The following PYGL variants were observed in gnomAD, a reference collection of about 807,000 sequenced individuals.
The protein encoded by PYGL is glycogen phosphorylase, liver form.
In PYGL, 90 loss-of-function variants were observed where a neutral mutation model predicts 100.1. The ratio of observed to expected loss-of-function variants is 0.90; its 90% CI spans 0.76 to 1.07. The LOEUF (loss-of-function observed/expected upper bound fraction) is 1.07. Ranked by LOEUF, PYGL falls within the 50% of genes least tolerant of loss-of-function variation. PYGL has a pLI of 0.00. For synonymous variants in PYGL, 373 were observed against 393.0 expected (o/e 0.95, Z 0.60); for missense variants, 1,016 against 1,057.6 (o/e 0.96, Z 0.55).
chr14:50,918,585 G>A (rs557192968), intron 7 of PYGL, among the ~76,000 whole-genome samples: 2 of 152,290 alleles, frequency 1.3e-5, no homozygotes, highest in East Asian at 1.9e-4. Flanking sequence ...ATGGAAAACC[G>A]AATATCGTGT....
intron 3 of PYGL, among the ~76,000 whole-genome samples, chr14:50,933,675 G>C (rs921120357): frequency 3.3e-5 from 5 of 152,072 alleles, no homozygotes; most frequent in African/African-American, 1.2e-4. Flanking sequence ...CCTCCCTACA[G>C]GGGGTCGTAG....
At chr14:50,927,642 G>A (rs1024496575) in intron 4 of PYGL, among the ~76,000 whole-genome samples, 5 of 152,188 alleles carry the variant, frequency 3.3e-5, no homozygotes, top group African/African-American at 7.2e-5. Context: ...CTAACAACTC[G>A]TAGGAGAGTT....
Position 50,914,734 on chromosome 14 carries a change from G to A in PYGL, c.1485C>T (p.Leu495=). 2 of 1,614,030 alleles carry A rather than the reference G, an allele frequency of 1.2e-6. No individual in the cohort carries two copies. The highest frequency in any genetic ancestry group is 1.7e-6 in the Non-Finnish European group (2 of 1,179,932). ...NGITPRRWLL[L]CNPGLAELIA... ...TGAGCTCTGCAAGTCCTGGGTTGCA[G>A]AGTAGGAGCCAGCGCCTTGGAGTGA... Residue 495 remains leucine (L), a synonymous_variant, in exon 12 of 20, where the codon CTC becomes CTT. Coordinates refer to ENST00000216392, the MANE Select transcript of PYGL (RefSeq NM_002863.5).
At chr14:50,927,732 G>A (rs1288514654) in intron 4 of PYGL, among the ~76,000 whole-genome samples, 1 of 152,094 alleles carries the variant, frequency 6.6e-6, no homozygotes, top group Non-Finnish European at 1.5e-5. Flanking sequence ...ATTTTATAAG[G>A]CTTGTTTTTA....
At chr14:50,914,945 C>G in intron 11 of PYGL, 130 bp from the exon 12 acceptor site, 1 of 737,608 alleles carries the variant, frequency 1.4e-6, no homozygotes, top group South Asian at 1.5e-5. Flanking sequence ...GGTGGAGGGA[C>G]AGGCTGACAG....
chr14:50,937,454 C>T (rs576213860), intron 2 of PYGL, among the ~76,000 whole-genome samples: 71 of 152,322 alleles, frequency 4.7e-4, no homozygotes, highest in Admixed American at 1.0e-3. Context: ...CTTGTTCAGA[C>T]ACTAATTTCT....
chr14:50,934,681 GTGTT>G (rs1163908609), intron 3 of PYGL, among the ~76,000 whole-genome samples: 1 of 151,946 alleles, frequency 6.6e-6, no homozygotes, highest in East Asian at 1.9e-4. Flanking sequence ...ATGTGTGTGT[GTGTT>G]TGTGTGTACA....
chr14:50,915,178 CT>C (rs71121612), intron 11 of PYGL, 157 bp downstream of exon 11: 61,338 of 706,338 alleles, frequency 0.087, no homozygotes, highest in Middle Eastern at 0.12. Flanking sequence ...CTTTTCTTTT[CT>C]TTTTTTTTTT....
At chr14:50,908,229 T>A in intron 19 of PYGL, 42 bp downstream of exon 19, 1 of 1,479,356 alleles carries the variant, frequency 6.8e-7, no homozygotes, top group Non-Finnish European at 9.5e-7. Context: ...TAATGAATCA[T>A]AGTAAACTGG....
chr14:50,908,107 T>C lies in PYGL; in HGVS notation c.2379+164A>G. 3.5e-6 allele frequency: 2 copies of C among 568,650 alleles called. 1 individual carries two copies. Among genetic ancestry groups the C allele is most frequent in the Non-Finnish European group, 6.1e-6 (2 of 327,684 alleles). The allele number at this position is 568,650 out of a possible 1,614,324, so 35.2% of individuals were successfully genotyped here. On this transcript the variant is annotated intron_variant, in intron 19 of 19. Transcript: ENST00000216392. ...GAACTTGGGAAAAGACAAGGTTTTT[T>C]TTTTTGTTGTGGTTGTTTGTTTGTT...
intron 10 of PYGL, 147 bp downstream of exon 10, chr14:50,915,678 C>T: frequency 7.1e-7 from 1 of 1,402,268 alleles, no homozygotes; most frequent in Non-Finnish European, 9.8e-7. Context: ...TTTCAAAAAG[C>T]TGCCTTTGTT....
At chr14:50,928,986 T>C (rs2050579676) in intron 4 of PYGL, among the ~76,000 whole-genome samples, 1 of 152,220 alleles carries the variant, frequency 6.6e-6, no homozygotes, top group South Asian at 2.1e-4. Flanking sequence ...CAAGTCATAA[T>C]GAAAGAAGTG....
chr14:50,906,112 G>A (rs1216028251), intron 19 of PYGL, among the ~76,000 whole-genome samples: 3 of 152,154 alleles, frequency 2.0e-5, no homozygotes. Context: ...CTCCACTGGG[G>A]CTTCAAAACA....
chr14:50,944,211 CCAGGTGGTCGCGCACCGTGTGCGCCAG>C lies in PYGL; in HGVS notation c.166_192del (p.Leu56_Leu64del). 1 of 1,612,272 alleles carries C rather than the reference CCAGGTGGTCGCGCACCGTGTGCGCCAG, an allele frequency of 6.2e-7. No individual in the cohort carries two copies. The highest frequency in any genetic ancestry group is 8.5e-7 in the Non-Finnish European group (1 of 1,179,822). On this transcript the variant is annotated inframe_deletion, in exon 1 of 20. Transcript: ENST00000216392. ...TGCTGCGTGCGGATCCAGCGCCCCA[CCAGGTGGTCGCGCACCGTGTGCGCCAG>C]CGCGAAGTAGTAGTCGCGGGTGGTG... is the stretch of plus-strand genomic sequence containing the variant.
intron 2 of PYGL, 71 bp from the exon 3 acceptor site, chr14:50,935,256 T>C (rs1314428491): frequency 2.4e-6 from 3 of 1,229,888 alleles, no homozygotes; most frequent in Non-Finnish European, 3.6e-6. Flanking sequence ...AGCCATTTCC[T>C]ACAGCTCTGG....
At chr14:50,938,980 T>C (rs992125615) in intron 1 of PYGL, among the ~76,000 whole-genome samples, 2 of 152,148 alleles carry the variant, frequency 1.3e-5, no homozygotes, top group African/African-American at 4.8e-5. Flanking sequence ...GTAGAAAATA[T>C]TCCTCCTTGG....
intron 8 of PYGL, 94 bp downstream of exon 8, chr14:50,916,868 C>T (rs541143688): frequency 3.9e-5 from 60 of 1,557,948 alleles, no homozygotes; most frequent in Admixed American, 3.2e-4. Context: ...TCCTGCTCAA[C>T]GTTGTTAGCA....
rs117827578 is a variant in PYGL at position 50,909,624 on chromosome 14, C to T, written c.2177+271G>A. Among the ~76,000 whole-genome samples, 998 of 152,276 alleles carry T rather than the reference C, an allele frequency of 6.6e-3. 24 individuals carry two copies. Among genetic ancestry groups the T allele is most frequent in the East Asian group, 0.046 (240 of 5,180 alleles). On this transcript the variant is annotated intron_variant, in intron 17 of 19. Coordinates refer to ENST00000216392, the MANE Select transcript of PYGL (RefSeq NM_002863.5). ...TTGATCAAAGTAAAAATCATACATA[C>T]GGAGGAAAAATAGCTCTTTGAGGCC...
rs892308215 is a variant in PYGL, at chr14:50,913,230, T to C, written c.1519-100A>G. On this transcript the variant is annotated intron_variant, in intron 12 of 19. Transcript: ENST00000216392. ...TTTCTCTCTGTCACCTACCACAGTG[T>C]AGTTCACGTATCACACAGAACATGG... The C allele has an allele frequency of 2.3e-5, 21 of 898,486 alleles. No individual in the cohort carries two copies. In the African/African-American group the frequency reaches 3.3e-4, roughly 14 times the overall value. 55.7% of individuals were successfully genotyped at this position (898,486 alleles called of 1,614,324 possible).
Sources: gnomAD v4.1 joint callset for allele counts (sites outside exome capture counted in the v4.1 genomes callset) on GRCh38, gnomAD v4.1.1 for gene constraint, MANE v1.5 for transcripts, NCBI Gene and HGNC (gene_info 2026-07-23, HGNC 2026-07-21) for gene names.